The following HECW1 variants were observed in gnomAD, a reference collection of about 807,000 sequenced individuals.
HECW1 encodes the protein HECT, C2 and WW domain containing E3 ubiquitin protein ligase 1.
A neutral mutation model predicts 182.3 loss-of-function variants in HECW1; 61 were observed. That is an observed-to-expected ratio of 0.33 (90% CI 0.27 to 0.41). The LOEUF (loss-of-function observed/expected upper bound fraction) is 0.41, where lower values mean the gene tolerates loss of function less well. Ranked by LOEUF, HECW1 falls within the 10% of genes least tolerant of loss-of-function variation. The pLI is 1.00. For missense variants in HECW1, 1,739 were observed against 2,108.9 expected (o/e 0.82, Z 3.44); for synonymous variants, 859 against 832.6 (o/e 1.03, Z -0.55).
intron 19 of HECW1, among the ~76,000 whole-genome samples, chr7:43,495,755 A>C (rs930170084): frequency 2.6e-5 from 4 of 152,214 alleles, no homozygotes; most frequent in Admixed American, 2.6e-4. Flanking sequence ...ATATTCAGCC[A>C]CCTGGGTCAT....
At chr7:43,274,664 C>T (rs113881026) in intron 3 of HECW1, 3 of 270,014 alleles carry the variant, frequency 1.1e-5, no homozygotes, top group African/African-American at 2.3e-5. Flanking sequence ...AGAGAGAGAG[C>T]GAGAGAGAGC....
intron 17 of HECW1, among the ~76,000 whole-genome samples, chr7:43,487,498 A>G (rs941227343): frequency 1.3e-5 from 2 of 152,220 alleles, no homozygotes; most frequent in Non-Finnish European, 2.9e-5. Context: ...GCAGGCCACC[A>G]AGGGCTCTCT....
intron 2 of HECW1, chr7:43,118,616 C>T (rs923754961): frequency 1.3e-5 from 2 of 152,010 alleles, no homozygotes; most frequent in Admixed American, 6.6e-5. Context: ...TTTTCTTTAC[C>T]GTTATTCATA....
At chr7:43,370,837 C>T (rs183159760) in intron 6 of HECW1, among the ~76,000 whole-genome samples, 44 of 150,746 alleles carry the variant, frequency 2.9e-4, no homozygotes, top group African/African-American at 9.5e-4. Context: ...GAAGATTTAG[C>T]GGGGAAGGAT....
At chr7:43,487,681 C>T (rs558862870) in intron 17 of HECW1, among the ~76,000 whole-genome samples, 3 of 152,240 alleles carry the variant, frequency 2.0e-5, no homozygotes, top group Admixed American at 1.3e-4. Context: ...AAGCAGGCCG[C>T]GGATGGTGGC....
intron 21 of HECW1, 119 bp downstream of exon 21, chr7:43,501,441 AT>A (rs1403229337): frequency 3.4e-6 from 2 of 582,610 alleles, no homozygotes; most frequent in Non-Finnish European, 6.1e-6. Flanking sequence ...CAATTCCCTA[AT>A]TGAAAATGCA....
At chr7:43,116,080 G>A (rs536526171) in intron 2 of HECW1, among the ~76,000 whole-genome samples, 15 of 152,146 alleles carry the variant, frequency 9.9e-5, no homozygotes, top group Non-Finnish European at 2.1e-4. Context: ...TTCACTTTGT[G>A]AGTCAGCTGG....
intron 24 of HECW1, among the ~76,000 whole-genome samples, chr7:43,528,630 T>C (rs961255055): frequency 6.6e-6 from 1 of 152,156 alleles, no homozygotes; most frequent in Non-Finnish European, 1.5e-5. Flanking sequence ...TTAGAAGTGC[T>C]TTCTCTAAAA....
intron 2 of HECW1, among the ~76,000 whole-genome samples, chr7:43,231,240 CT>C (rs1241319377): frequency 6.6e-6 from 1 of 152,218 alleles, no homozygotes; most frequent in East Asian, 1.9e-4. Flanking sequence ...CACTTCTGTC[CT>C]TTCCACAGCT....
chr7:43,341,241 A>T (rs1812947223), intron 5 of HECW1, among the ~76,000 whole-genome samples: 1 of 151,596 alleles, frequency 6.6e-6, no homozygotes. Context: ...GCAAACTAAC[A>T]TTGCACATGT....
intron 3 of HECW1, chr7:43,274,513 GA>G: frequency 1.7e-6 from 1 of 596,886 alleles, no homozygotes. Context: ...CATGAAGGTG[GA>G]GGAGATCGCA....
At chr7:43,465,735 G>GA (rs902587995) in intron 14 of HECW1, among the ~76,000 whole-genome samples, 16 of 151,838 alleles carry the variant, frequency 1.1e-4, no homozygotes, top group Non-Finnish European at 2.1e-4. Flanking sequence ...AAGGAAATAA[G>GA]AAAAAAATAG....
chr7:43,369,461 T>G (rs1478268541), intron 6 of HECW1, among the ~76,000 whole-genome samples: 1 of 151,854 alleles, frequency 6.6e-6, no homozygotes, highest in Non-Finnish European at 1.5e-5. Context: ...AAACTCCGTC[T>G]CAAAAAAAAT....
chr7:43,501,189 T>C (rs1269307788), intron 20 of HECW1, 24 bp from the exon 21 acceptor site: 6 of 1,028,022 alleles, frequency 5.8e-6, no homozygotes, highest in Middle Eastern at 2.3e-4. Context: ...CTTTCTTTTT[T>C]TTTTTTTTTT....
chr7:43,485,089 T>C (rs2078578647), intron 17 of HECW1, among the ~76,000 whole-genome samples: 1 of 152,118 alleles, frequency 6.6e-6, no homozygotes, highest in Non-Finnish European at 1.5e-5. Context: ...TCATAGAAAA[T>C]TTCTGGAAGG....
intron 2 of HECW1, among the ~76,000 whole-genome samples, chr7:43,121,334 G>A (rs1785588735): frequency 6.6e-6 from 1 of 152,136 alleles, no homozygotes. Context: ...TTGAATGTGA[G>A]CCTGTCAGTC....
chr7:43,439,187 G>C (rs1371751868), intron 9 of HECW1: 1 of 152,208 alleles, frequency 6.6e-6, no homozygotes, highest in Non-Finnish European at 1.5e-5. Context: ...CTGGCACGTA[G>C]TAGGAACACA....
At chr7:43,351,769 G>A (rs978052956) in intron 5 of HECW1, among the ~76,000 whole-genome samples, 9 of 146,016 alleles carry the variant, frequency 6.2e-5, no homozygotes, top group African/African-American at 2.3e-4. Flanking sequence ...AAAACTTGTA[G>A]AAATCAGATG....
intron 21 of HECW1, among the ~76,000 whole-genome samples, chr7:43,503,464 T>C (rs766102443): frequency 6.6e-6 from 1 of 152,198 alleles, no homozygotes; most frequent in Non-Finnish European, 1.5e-5. Flanking sequence ...AGATATCATA[T>C]TGCAAATAGA....
Sources: allele counts gnomAD v4.1 joint callset (sites outside exome capture counted in the v4.1 genomes callset), GRCh38; gene constraint gnomAD v4.1.1; transcripts MANE v1.5; gene names NCBI Gene and HGNC (gene_info 2026-07-23, HGNC 2026-07-21).